SAMMSON: variants seen among roughly 807,000 people sequenced by gnomAD.
The protein encoded by SAMMSON is long intergenic non-protein coding RNA 1212.
intron 9 of SAMMSON, among the ~76,000 whole-genome samples, chr3:70,384,669 A>G (rs1014543561): frequency 1.3e-5 from 2 of 152,080 alleles, no homozygotes; most frequent in African/African-American, 4.8e-5. Context: ...AAGACACAAT[A>G]TGCTCATCAA....
At chr3:70,285,747 A>T (rs1702155300) in intron 6 of SAMMSON, among the ~76,000 whole-genome samples, 1 of 151,768 alleles carries the variant, frequency 6.6e-6, no homozygotes, top group Admixed American at 6.6e-5. Context: ...AATGATTGCC[A>T]TTCTAACTGG....
At chr3:70,251,817 A>G (rs573770408) in intron 6 of SAMMSON, among the ~76,000 whole-genome samples, 1 of 152,310 alleles carries the variant, frequency 6.6e-6, no homozygotes, top group African/African-American at 2.4e-5. Flanking sequence ...ACTGCACCTG[A>G]TTCAGATTAG....
Position 70,265,743 on chromosome 3 carries a change from A to C in SAMMSON, n.674+16073A>C, listed in dbSNP as rs151020572. Among the ~76,000 whole-genome samples, 118 of 152,358 alleles carry C rather than the reference A, an allele frequency of 7.7e-4. 1 individual carries two copies. The highest frequency in any genetic ancestry group is 3.1e-3 in the South Asian group (15 of 4,832). ...CAAAGAAAAAAGGTTTAATTGACTC[A>C]CAGTTCAGCATGGCTGGGGAAGCCT... On this transcript the variant is annotated intron_variant and non_coding_transcript_variant, in intron 6 of 9. Transcript: ENST00000642114.
chr3:70,359,771 G>T (rs892628566), intron 9 of SAMMSON, among the ~76,000 whole-genome samples: 1 of 151,882 alleles, frequency 6.6e-6, no homozygotes, highest in African/African-American at 2.4e-5. Flanking sequence ...ATTATTTTTT[G>T]TTTTATTTAG....
chr3:70,274,086 T>TGTGTGTGTGC (rs1282977173), intron 6 of SAMMSON, among the ~76,000 whole-genome samples: 1 of 146,592 alleles, frequency 6.8e-6, no homozygotes, highest in Middle Eastern at 3.2e-3. Flanking sequence ...TGTGTGTGTG[T>TGTGTGTGTGC]GTGTGCGCGC....
At chr3:70,060,335 G>A (rs1471135836) in intron 3 of SAMMSON, among the ~76,000 whole-genome samples, 1 of 152,030 alleles carries the variant, frequency 6.6e-6, no homozygotes, top group Non-Finnish European at 1.5e-5. Context: ...CTTGGAGAAG[G>A]GGAACTTGAC....
intron 7 of SAMMSON, among the ~76,000 whole-genome samples, chr3:70,319,590 G>A (rs1206179516): frequency 6.6e-6 from 1 of 152,032 alleles, no homozygotes; most frequent in Admixed American, 6.6e-5. Context: ...GCTAAGCTTT[G>A]AGATTCAAAT....
chr3:70,061,800 C>G (rs752723380), intron 3 of SAMMSON, among the ~76,000 whole-genome samples: 6 of 152,260 alleles, frequency 3.9e-5, no homozygotes, highest in South Asian at 4.1e-4. Flanking sequence ...TGGTTACCCT[C>G]TCAGGGTTTT....
At chr3:70,412,458 ATCAAG>A (rs1191337714) in intron 2 of SAMMSON, among the ~76,000 whole-genome samples, 1 of 152,222 alleles carries the variant, frequency 6.6e-6, no homozygotes, top group Non-Finnish European at 1.5e-5. Flanking sequence ...ATGCAAAGTG[ATCAAG>A]TCAAAAGAAC....
chr3:70,240,799 A>G (rs190818719), intron 4 of SAMMSON, among the ~76,000 whole-genome samples: 1 of 152,310 alleles, frequency 6.6e-6, no homozygotes, highest in Admixed American at 6.5e-5. Context: ...ACCGGGGCAC[A>G]TCACTGTAAT....
chr3:70,225,783 C>T (rs752319965), intron 4 of SAMMSON, among the ~76,000 whole-genome samples: 9 of 152,098 alleles, frequency 5.9e-5, no homozygotes, highest in Non-Finnish European at 1.2e-4. Context: ...AAAAAAATGT[C>T]ATTTGTCAGT....
chr3:70,236,602 C>CT (rs1190655144), intron 4 of SAMMSON, among the ~76,000 whole-genome samples: 2 of 151,476 alleles, frequency 1.3e-5, no homozygotes, highest in African/African-American at 2.4e-5. Flanking sequence ...TACTAGAAAA[C>CT]TTTTTTTTTC....
At chr3:70,130,689 C>T (rs1156634891) in intron 4 of SAMMSON, among the ~76,000 whole-genome samples, 1 of 152,094 alleles carries the variant, frequency 6.6e-6, no homozygotes, top group Non-Finnish European at 1.5e-5. Context: ...GCCCAGGCCA[C>T]ATGGAGAAGC....
At chr3:70,172,712 T>C (rs999985547) in intron 4 of SAMMSON, 21 of 151,936 alleles carry the variant, frequency 1.4e-4, no homozygotes, top group Admixed American at 3.9e-4. Flanking sequence ...AACCATATTT[T>C]CTCTAGATGC....
intron 4 of SAMMSON, among the ~76,000 whole-genome samples, chr3:70,094,241 C>A (rs906258770): frequency 1.3e-5 from 2 of 152,142 alleles, no homozygotes; most frequent in African/African-American, 4.8e-5. Flanking sequence ...AGGCCACCAC[C>A]AGGATCTCAT....
At chr3:70,263,761 C>T (rs1332998529) in intron 6 of SAMMSON, among the ~76,000 whole-genome samples, 4 of 152,102 alleles carry the variant, frequency 2.6e-5, no homozygotes, top group African/African-American at 9.7e-5. Context: ...TTTGTCTTTC[C>T]TTCATCTCAG....
chr3:70,389,103 T>A (rs1318392911), intron 9 of SAMMSON, among the ~76,000 whole-genome samples: 2 of 152,090 alleles, frequency 1.3e-5, no homozygotes, highest in African/African-American at 2.4e-5. Flanking sequence ...ATTCCCTTTC[T>A]GTTTCTTCCA....
chr3:70,415,595 C>A (rs895032577), intron 2 of SAMMSON, among the ~76,000 whole-genome samples: 2 of 152,096 alleles, frequency 1.3e-5, no homozygotes, highest in Non-Finnish European at 2.9e-5. Context: ...ATTGGGAAGA[C>A]CCAGTTTTGT....
intron 3 of SAMMSON, among the ~76,000 whole-genome samples, chr3:70,033,317 T>C (rs2067072380): frequency 1.3e-5 from 2 of 152,170 alleles, no homozygotes; most frequent in Non-Finnish European, 2.9e-5. Flanking sequence ...GGCTGGGCTT[T>C]CATGAGAATC....
Sources: allele counts gnomAD v4.1 joint callset (sites outside exome capture counted in the v4.1 genomes callset), GRCh38; gene constraint gnomAD v4.1.1; transcripts MANE v1.5; gene names NCBI Gene and HGNC (gene_info 2026-07-23, HGNC 2026-07-21).